The following EEIG2 variants were observed in gnomAD, a reference collection of about 807,000 sequenced individuals.
The protein encoded by EEIG2 is EEIG family member 2.
At chr1:108,565,167 A>G in the EEIG2 span, among the ~76,000 whole-genome samples, 2 of 152,238 alleles carry the variant, frequency 1.3e-5, no homozygotes, top group South Asian at 2.1e-4. Context: ...ATGGTGGTCT[A>G]TTCAACTGAG....
At chr1:108,628,737 G>C in the EEIG2 span, 129 of 1,613,264 alleles carry the variant, frequency 8.0e-5, no homozygotes, top group Non-Finnish European at 1.1e-4. Flanking sequence ...ACACCAGGGT[G>C]GATGCAGATG....
At chr1:108,604,396 T>C in the EEIG2 span, among the ~76,000 whole-genome samples, 1 of 152,072 alleles carries the variant, frequency 6.6e-6, no homozygotes, top group Admixed American at 6.5e-5. Flanking sequence ...TTGAATAGAG[T>C]TAAAACATAT....
the EEIG2 span, among the ~76,000 whole-genome samples, chr1:108,561,631 G>A: frequency 6.6e-6 from 1 of 152,144 alleles, no homozygotes; most frequent in East Asian, 1.9e-4. Context: ...ATGTCTAGTT[G>A]GCTAAACCAA....
At chr1:108,631,726 AT>A in the EEIG2 span, among the ~76,000 whole-genome samples, 8 of 152,150 alleles carry the variant, frequency 5.3e-5, no homozygotes, top group Admixed American at 2.6e-4. Context: ...GTACATATAT[AT>A]TTTTTATTCA....
chr1:108,575,063 A>G, the EEIG2 span, among the ~76,000 whole-genome samples: 2 of 152,350 alleles, frequency 1.3e-5, no homozygotes, highest in East Asian at 3.9e-4. Context: ...TAACAGTTTT[A>G]GAAAAATCCC....
At chr1:108,604,614 A>G in the EEIG2 span, among the ~76,000 whole-genome samples, 1 of 152,170 alleles carries the variant, frequency 6.6e-6, no homozygotes, top group Non-Finnish European at 1.5e-5. Context: ...TTTAGCGAAG[A>G]AAATGATGCA....
the EEIG2 span, among the ~76,000 whole-genome samples, chr1:108,606,961 C>A: frequency 6.6e-6 from 1 of 152,156 alleles, no homozygotes; most frequent in Non-Finnish European, 1.5e-5. Flanking sequence ...CCATGCCTAG[C>A]CCCTGTACAC....
the EEIG2 span, among the ~76,000 whole-genome samples, chr1:108,589,742 C>G: frequency 2.6e-5 from 4 of 151,374 alleles, no homozygotes; most frequent in Non-Finnish European, 5.9e-5. Context: ...TTATCCATTC[C>G]CATAGCTTCA....
chr1:108,638,068 T>C, the EEIG2 span: 2 of 152,654 alleles, frequency 1.3e-5, no homozygotes, highest in Non-Finnish European at 2.9e-5. Flanking sequence ...TTTTTTCTTT[T>C]TTACTTTTTT....
At chr1:108,579,776 A>T in the EEIG2 span, among the ~76,000 whole-genome samples, 43 of 120,470 alleles carry the variant, frequency 3.6e-4, no homozygotes, top group African/African-American at 1.3e-3. Context: ...TGTGTGTGAG[A>T]GAGAGAGAGA....
chr1:108,610,696 T>A, the EEIG2 span, among the ~76,000 whole-genome samples: 1 of 152,026 alleles, frequency 6.6e-6, no homozygotes, highest in African/African-American at 2.4e-5. Context: ...TTTGGGAGAC[T>A]AAGGCAGGCG....
At chr1:108,624,978 T>G in the EEIG2 span, 6 of 446,182 alleles carry the variant, frequency 1.3e-5, no homozygotes, top group Non-Finnish European at 2.0e-5. Flanking sequence ...ATGCATCTAC[T>G]CCCCACAGGT....
chr1:108,566,330 T>C, the EEIG2 span, among the ~76,000 whole-genome samples: 2 of 152,184 alleles, frequency 1.3e-5, no homozygotes, highest in African/African-American at 4.8e-5. Context: ...AATGGAATTA[T>C]AGAGTCACAG....
the EEIG2 span, among the ~76,000 whole-genome samples, chr1:108,624,421 T>A: frequency 1.7e-5 from 2 of 120,244 alleles, no homozygotes; most frequent in African/African-American, 5.7e-5. Context: ...AATGCCCTTT[T>A]CTTGTTATGT....
the EEIG2 span, chr1:108,600,438 C>A: frequency 9.5e-7 from 1 of 1,057,000 alleles, no homozygotes; most frequent in Non-Finnish European, 1.3e-6. Context: ...CTTCCTGCTA[C>A]ACTGTTTACA....
chr1:108,630,602 C>A, the EEIG2 span, among the ~76,000 whole-genome samples: 1 of 152,090 alleles, frequency 6.6e-6, no homozygotes, highest in Admixed American at 6.6e-5. Flanking sequence ...TTCTGAAAAA[C>A]CAAATACCAT....
chr1:108,638,475 C>T, the EEIG2 span: 836 of 152,314 alleles, frequency 5.5e-3, 4 homozygotes, highest in African/African-American at 0.019. Flanking sequence ...TTACCAAATA[C>T]TTCATTTAAG....
the EEIG2 span, among the ~76,000 whole-genome samples, chr1:108,568,684 G>C: frequency 6.6e-5 from 10 of 152,216 alleles, no homozygotes; most frequent in African/African-American, 2.4e-4. Context: ...GTCCAACCTA[G>C]TGTGGTAGCT....
chr1:108,575,689 G>A, the EEIG2 span, among the ~76,000 whole-genome samples: 787 of 152,254 alleles, frequency 5.2e-3, 7 homozygotes, highest in African/African-American at 0.018. Flanking sequence ...AAAACATCAT[G>A]CTCAGTAAAG....
Sources: gnomAD v4.1 joint callset for allele counts (sites outside exome capture counted in the v4.1 genomes callset) on GRCh38, gnomAD v4.1.1 for gene constraint, MANE v1.5 for transcripts, NCBI Gene and HGNC (gene_info 2026-07-23, HGNC 2026-07-21) for gene names.